PRKCE: variants seen among roughly 807,000 people sequenced by gnomAD.
The protein encoded by PRKCE is protein kinase C epsilon type.
Under a neutral mutation model 85.4 loss-of-function variants are expected in PRKCE, and 16 were observed. The ratio of observed to expected loss-of-function variants is 0.19; its 90% confidence interval spans 0.13 to 0.28. The LOEUF (loss-of-function observed/expected upper bound fraction) is 0.28. Ranked by LOEUF, PRKCE falls within the 10% of genes least tolerant of loss-of-function variation. The pLI is 1.00. For synonymous variants in PRKCE, 388 were observed against 371.5 expected (o/e 1.04, Z -0.51); for missense variants, 573 against 975.2 (o/e 0.59, Z 5.49).
intron 2 of PRKCE, among the ~76,000 whole-genome samples, chr2:45,915,978 A>G (rs923437866): frequency 6.6e-6 from 1 of 152,178 alleles, no homozygotes; most frequent in African/African-American, 2.4e-5. Flanking sequence ...ACTTGTAATC[A>G]GGGAGAAAAA....
chr2:46,058,509 C>G (rs1386445851), intron 10 of PRKCE, among the ~76,000 whole-genome samples: 2 of 152,168 alleles, frequency 1.3e-5, no homozygotes, highest in Non-Finnish European at 1.5e-5. Context: ...CTTGGAGAAA[C>G]AGGCAGTGGA....
chr2:45,685,796 C>A (rs894705871), intron 1 of PRKCE, among the ~76,000 whole-genome samples: 1 of 152,044 alleles, frequency 6.6e-6, no homozygotes, highest in Non-Finnish European at 1.5e-5. Context: ...TTGGATAAGC[C>A]TGGTGACAGT....
intron 2 of PRKCE, among the ~76,000 whole-genome samples, chr2:45,958,658 G>A (rs1210315213): frequency 1.3e-5 from 2 of 149,756 alleles, no homozygotes; most frequent in African/African-American, 4.9e-5. Context: ...GGTGAGAGAG[G>A]GAGTTGTCTC....
At chr2:46,115,918 A>G (rs1456509800) in intron 11 of PRKCE, among the ~76,000 whole-genome samples, 3 of 152,160 alleles carry the variant, frequency 2.0e-5, no homozygotes, top group Admixed American at 6.5e-5. Flanking sequence ...AGACATACAA[A>G]TTTCCTTACT....
intron 2 of PRKCE, among the ~76,000 whole-genome samples, chr2:45,947,554 A>C (rs186294625): frequency 9.9e-4 from 151 of 152,330 alleles, no homozygotes; most frequent in Non-Finnish European, 1.8e-3. Flanking sequence ...ATAATACTAA[A>C]ATAACCTAAT....
At chr2:45,736,348 C>G (rs1349791666) in intron 1 of PRKCE, among the ~76,000 whole-genome samples, 1 of 152,196 alleles carries the variant, frequency 6.6e-6, no homozygotes, top group East Asian at 1.9e-4. Context: ...AGAGCTATTA[C>G]ATGATAGGCG....
intron 11 of PRKCE, among the ~76,000 whole-genome samples, chr2:46,134,621 T>A (rs1451520427): frequency 6.6e-6 from 1 of 152,248 alleles, no homozygotes; most frequent in African/African-American, 2.4e-5. Context: ...GGGCTCCAGC[T>A]GCCTTCGCTT....
intron 10 of PRKCE, among the ~76,000 whole-genome samples, chr2:46,065,420 C>A (rs1287771740): frequency 6.6e-6 from 1 of 152,148 alleles, no homozygotes; most frequent in Admixed American, 6.5e-5. Context: ...TAAAGAATTT[C>A]TCTGACTCCA....
At chr2:46,174,634 C>T (rs1051604491) in intron 14 of PRKCE, among the ~76,000 whole-genome samples, 1 of 152,126 alleles carries the variant, frequency 6.6e-6, no homozygotes, top group African/African-American at 2.4e-5. Flanking sequence ...ACAACACACA[C>T]AGACACCCAA....
intron 6 of PRKCE, 137 bp downstream of exon 6, chr2:45,984,817 CA>C (rs1483675986): frequency 8.0e-7 from 1 of 1,242,628 alleles, no homozygotes; most frequent in African/African-American, 1.5e-5. Flanking sequence ...GTTAATCCTG[CA>C]TTAGTAACTC....
chr2:45,731,848 G>C (rs1268678625), intron 1 of PRKCE, among the ~76,000 whole-genome samples: 1 of 151,906 alleles, frequency 6.6e-6, no homozygotes, highest in African/African-American at 2.4e-5. Context: ...GAACTCCTGG[G>C]CTCAAGGTAT....
chr2:46,005,676 C>T (rs1043028702), intron 8 of PRKCE, among the ~76,000 whole-genome samples: 3 of 152,150 alleles, frequency 2.0e-5, no homozygotes, highest in African/African-American at 7.2e-5. Flanking sequence ...ATGACCCAGA[C>T]CTTCTTACCC....
intron 11 of PRKCE, among the ~76,000 whole-genome samples, chr2:46,119,463 T>A (rs1371672692): frequency 6.6e-6 from 1 of 152,158 alleles, no homozygotes; most frequent in African/African-American, 2.4e-5. Flanking sequence ...TTCCTGAGTA[T>A]AAAATACATA....
At chr2:45,880,942 A>C (rs1248699030) in intron 2 of PRKCE, among the ~76,000 whole-genome samples, 1 of 152,076 alleles carries the variant, frequency 6.6e-6, no homozygotes, top group Non-Finnish European at 1.5e-5. Context: ...TCACGAGGTC[A>C]GGAGATCGAG....
chr2:46,034,958 C>G (rs925186667), intron 10 of PRKCE, among the ~76,000 whole-genome samples: 1 of 152,224 alleles, frequency 6.6e-6, no homozygotes, highest in East Asian at 1.9e-4. Context: ...TATGTGTGGT[C>G]TCTGTACATC....
intron 6 of PRKCE, among the ~76,000 whole-genome samples, chr2:45,991,009 T>A (rs1398226976): frequency 1.3e-5 from 2 of 150,490 alleles, no homozygotes; most frequent in Non-Finnish European, 3.0e-5. Context: ...CTTTCTTTCT[T>A]TCTTCTTTTT....
intron 1 of PRKCE, among the ~76,000 whole-genome samples, chr2:45,699,328 G>A (rs927206383): frequency 2.6e-5 from 4 of 152,172 alleles, no homozygotes; most frequent in East Asian, 1.9e-4. Context: ...GCTTCTCAGA[G>A]TTAAGATGCT....
chr2:45,979,017 G>C lies in PRKCE; in HGVS notation c.607+7G>C. On this transcript the variant is annotated splice_region_variant and intron_variant, in intron 4 of 14. Transcript: ENST00000306156. Reference sequence around the variant, plus strand: ...CAGGGATACCAGTGTCAAGGTAAGAGGCATTTATGAATTAAATCTTCAGAG... The same window carrying C: ...CAGGGATACCAGTGTCAAGGTAAGACGCATTTATGAATTAAATCTTCAGAG... 1 of 1,598,838 alleles carries C rather than the reference G, an allele frequency of 6.3e-7. No individual in the cohort carries two copies. The highest frequency in any genetic ancestry group is 8.5e-7 in the Non-Finnish European group (1 of 1,179,276).
At chr2:46,033,132 A>G (rs1045128822) in intron 10 of PRKCE, among the ~76,000 whole-genome samples, 3 of 152,348 alleles carry the variant, frequency 2.0e-5, no homozygotes, top group East Asian at 3.9e-4. Context: ...ATTTACAAAG[A>G]TCAGTCATTT....
Sources: gnomAD v4.1 joint callset for allele counts (sites outside exome capture counted in the v4.1 genomes callset) on GRCh38, gnomAD v4.1.1 for gene constraint, MANE v1.5 for transcripts, NCBI Gene and HGNC (gene_info 2026-07-23, HGNC 2026-07-21) for gene names.